CEP85L: variants seen among roughly 807,000 people sequenced by gnomAD.
CEP85L encodes centrosomal protein of 85 kDa-like.
Under a neutral mutation model 100.3 loss-of-function variants are expected in CEP85L, and 60 were observed. The observed-to-expected ratio is 0.60, with a 90% CI of 0.49 to 0.74. The LOEUF is 0.74. CEP85L is among the 30% of genes least tolerant of loss of function. The pLI is 0.00. For synonymous variants in CEP85L, 319 were observed against 322.7 expected, an observed-to-expected ratio of 0.99 and a Z score of 0.12; for missense variants, 973 against 936.2, an observed-to-expected ratio of 1.04 and a Z score of -0.51.
chr6:118,656,824 A>G (rs1378380860), upstream of CEP85L: 3 of 152,212 alleles, frequency 2.0e-5, no homozygotes, highest in African/African-American at 7.2e-5. Context: ...ATTGTAAACC[A>G]CAGTCGCCCT....
chr6:118,632,627 T>A lies in CEP85L; in HGVS notation c.74-16A>T, dbSNP rs781415290. 6 of 1,602,106 alleles carry A rather than the reference T, an allele frequency of 3.7e-6. No individual in the cohort carries two copies. Among genetic ancestry groups the A allele is most frequent in the Admixed American group, 3.4e-5 (2 of 58,402 alleles). On this transcript the variant is annotated splice_polypyrimidine_tract_variant and intron_variant, in intron 1 of 12. Coordinates refer to ENST00000368491, the MANE Select transcript of CEP85L (RefSeq NM_001042475.3). ...TAATCTGGGCCTAAAAAGGGAAATA[T>A]GTAACAGTTAACACATATATCTGAG...
intron 7 of CEP85L, among the ~76,000 whole-genome samples, chr6:118,483,154 G>C (rs1773913251): frequency 6.6e-6 from 1 of 151,932 alleles, no homozygotes; most frequent in Non-Finnish European, 1.5e-5. Flanking sequence ...CTGAAGAGTA[G>C]ATCTAGTGGA....
rs1235780997 is a variant in CEP85L at position 118,625,215 on chromosome 6, CCTGT to C, written c.232+7234_232+7237del. On this transcript the variant is annotated intron_variant, in intron 2 of 12. Coordinates refer to ENST00000368491, the MANE Select transcript of CEP85L (RefSeq NM_001042475.3). ...TGGATACCAGTGACCTCAGGTTTCA[CCTGT>C]CTAACTCCAGACATCTTTTTCATCC... Among the ~76,000 whole-genome samples the C allele has an allele frequency of 1.3e-5, 2 of 152,240 alleles. 1 individual carries two copies. Among genetic ancestry groups the C allele is most frequent in the Admixed American group, 1.3e-4 (2 of 15,286 alleles).
chr6:118,483,930 T>TTTA, intron 6 of CEP85L, 72 bp from the exon 7 acceptor site: 5 of 1,358,984 alleles, frequency 3.7e-6, no homozygotes, highest in Non-Finnish European at 5.1e-6. Flanking sequence ...AACACTTTAA[T>TTTA]ATTAGACACC....
intron 2 of CEP85L, among the ~76,000 whole-genome samples, chr6:118,600,367 GTGTA>G (rs1781720540): frequency 3.2e-5 from 4 of 126,956 alleles, no homozygotes; most frequent in Non-Finnish European, 5.1e-5. Flanking sequence ...GTGTGTGTGT[GTGTA>G]ACGCCATGGA....
At chr6:118,524,904 T>C (rs956700721) in intron 3 of CEP85L, among the ~76,000 whole-genome samples, 1 of 152,174 alleles carries the variant, frequency 6.6e-6, no homozygotes, top group Non-Finnish European at 1.5e-5. Context: ...ATTCCTGCCT[T>C]ATGCGGGGGA....
intron 1 of CEP85L, among the ~76,000 whole-genome samples, chr6:118,648,467 C>T (rs1775342445): frequency 1.3e-5 from 2 of 152,082 alleles, no homozygotes; most frequent in South Asian, 2.1e-4. Flanking sequence ...ATAAGCCGGG[C>T]GCGGTGGCTC....
chr6:118,515,933 T>C (rs975164601), intron 4 of CEP85L, among the ~76,000 whole-genome samples: 1 of 152,108 alleles, frequency 6.6e-6, no homozygotes, highest in Non-Finnish European at 1.5e-5. Context: ...TGGTGTGTGA[T>C]ATTCCTCTCC....
intron 2 of CEP85L, among the ~76,000 whole-genome samples, chr6:118,608,799 G>A (rs1380852229): frequency 1.3e-5 from 2 of 152,182 alleles, no homozygotes; most frequent in African/African-American, 4.8e-5. Flanking sequence ...TTGCCAAATA[G>A]TGGAACAGAA....
At chr6:118,687,863 G>A (rs1583260724) in intron 1 of CEP85L, among the ~76,000 whole-genome samples, 4 of 152,080 alleles carry the variant, frequency 2.6e-5, no homozygotes, top group Admixed American at 1.3e-4. Flanking sequence ...ACTCCCAATC[G>A]GGCTAAAGGC....
At chr6:118,566,608 G>A (rs6930414) in intron 2 of CEP85L, among the ~76,000 whole-genome samples, 239 of 152,090 alleles carry the variant, frequency 1.6e-3, no homozygotes, top group African/African-American at 5.4e-3. Context: ...TAGTAGAGAC[G>A]GGGCTTTGCC....
intron 3 of CEP85L, among the ~76,000 whole-genome samples, chr6:118,545,365 A>G (rs957938518): frequency 6.6e-6 from 1 of 152,090 alleles, no homozygotes; most frequent in Non-Finnish European, 1.5e-5. Context: ...CGAGGTGGGC[A>G]GATCACGAGG....
chr6:118,594,708 T>C (rs1194115430), intron 2 of CEP85L, among the ~76,000 whole-genome samples: 2 of 151,332 alleles, frequency 1.3e-5, no homozygotes, highest in African/African-American at 4.9e-5. Flanking sequence ...TACAAAAAAT[T>C]AGCCGGGTGT....
intron 5 of CEP85L, among the ~76,000 whole-genome samples, chr6:118,501,013 C>T (rs1332287533): frequency 6.6e-6 from 1 of 152,128 alleles, no homozygotes; most frequent in Non-Finnish European, 1.5e-5. Context: ...CCTTTTCTTC[C>T]CCCAGAACTG....
chr6:118,671,551 C>T (rs1172533089), intron 1 of CEP85L, among the ~76,000 whole-genome samples: 1 of 152,152 alleles, frequency 6.6e-6, no homozygotes, highest in African/African-American at 2.4e-5. Flanking sequence ...TACTAAGGAT[C>T]TGGCGTTTCT....
intron 3 of CEP85L, chr6:118,537,703 G>C: frequency 1.0e-6 from 1 of 985,348 alleles, no homozygotes; most frequent in Non-Finnish European, 1.2e-6. Flanking sequence ...GCTGAAAATA[G>C]TTCAAAATTC....
chr6:118,558,626 TACACACACAC>T (rs371775061), intron 3 of CEP85L, among the ~76,000 whole-genome samples: 2,586 of 111,584 alleles, frequency 0.023, 82 homozygotes, highest in African/African-American at 0.077. Context: ...CACGTGCACA[TACACACACAC>T]ACACACACAC....
intron 3 of CEP85L, among the ~76,000 whole-genome samples, chr6:118,555,068 T>C (rs2114948017): frequency 6.6e-6 from 1 of 152,310 alleles, no homozygotes. Context: ...AAACCATATG[T>C]TCAAATAGGA....
intron 1 of CEP85L, among the ~76,000 whole-genome samples, chr6:118,639,488 ACT>A (rs757054137): frequency 6.6e-6 from 1 of 152,024 alleles, no homozygotes; most frequent in Non-Finnish European, 1.5e-5. Flanking sequence ...AACAGATGAG[ACT>A]CTTTCATGAC....
Sources: gnomAD v4.1 joint callset for allele counts (sites outside exome capture counted in the v4.1 genomes callset) on GRCh38, gnomAD v4.1.1 for gene constraint, MANE v1.5 for transcripts, NCBI Gene and HGNC (gene_info 2026-07-23, HGNC 2026-07-21) for gene names.